AK9: variants seen among roughly 807,000 people sequenced by gnomAD.
The protein encoded by AK9 is adenylate kinase domain containing 1.
In AK9, 191 loss-of-function variants were observed where a neutral mutation model predicts 239.6. The observed-to-expected ratio is 0.80, with a 90% CI of 0.71 to 0.90. AK9 has a LOEUF of 0.90. Ranked by LOEUF, AK9 falls within the 40% of genes least tolerant of loss-of-function variation. The pLI is 0.00. For synonymous variants in AK9, 689 were observed against 721.0 expected, an observed-to-expected ratio of 0.96 and a Z score of 0.71; for missense variants, 1,995 against 2,214.7, an observed-to-expected ratio of 0.90 and a Z score of 1.99.
At chr6:109,639,447 C>T (rs1797125803) in intron 10 of AK9, among the ~76,000 whole-genome samples, 1 of 152,196 alleles carries the variant, frequency 6.6e-6, no homozygotes, top group Admixed American at 6.5e-5. Context: ...GCATAAATGT[C>T]TTCTTTTGAG....
At chr6:109,547,815 G>C (rs116181618) in intron 25 of AK9, among the ~76,000 whole-genome samples, 2,827 of 106,504 alleles carry the variant, frequency 0.027, 32 homozygotes, top group African/African-American at 0.049. Flanking sequence ...TTAATAACCA[G>C]AATATATAAA....
intron 12 of AK9, among the ~76,000 whole-genome samples, chr6:109,619,995 C>A (rs1356537865): frequency 6.6e-6 from 1 of 151,970 alleles, no homozygotes; most frequent in Non-Finnish European, 1.5e-5. Flanking sequence ...TGTGGGTATC[C>A]TTTTTATTGT....
chr6:109,622,472 AAT>A (rs1035030974), intron 12 of AK9, among the ~76,000 whole-genome samples: 3 of 141,622 alleles, frequency 2.1e-5, no homozygotes, highest in African/African-American at 7.7e-5. Context: ...ATATTAATAT[AAT>A]ATATATTAAT....
chr6:109,623,876 C>G (rs1795163612), intron 12 of AK9, among the ~76,000 whole-genome samples: 1 of 146,498 alleles, frequency 6.8e-6, no homozygotes, highest in Non-Finnish European at 1.5e-5. Flanking sequence ...CACACACACA[C>G]ACACACACAC....
intron 26 of AK9, among the ~76,000 whole-genome samples, chr6:109,544,799 T>G (rs1050524271): frequency 1.3e-5 from 2 of 150,834 alleles, no homozygotes; most frequent in Non-Finnish European, 3.0e-5. Flanking sequence ...GAAATTAATA[T>G]TTTGAGATCT....
chr6:109,662,489 T>G, intron 6 of AK9, 62 bp downstream of exon 6: 1 of 1,282,606 alleles, frequency 7.8e-7, no homozygotes, highest in Non-Finnish European at 1.0e-6. Context: ...AAGCATTCCT[T>G]GAATTTAACT....
intron 13 of AK9, 62 bp from the exon 14 acceptor site, chr6:109,614,542 T>C (rs1431557899): frequency 7.5e-7 from 1 of 1,340,072 alleles, no homozygotes; most frequent in Non-Finnish European, 1.0e-6. Flanking sequence ...ACAGGTAGAG[T>C]GACCAAAAGC....
chr6:109,655,900 C>T (rs907372865), intron 8 of AK9, among the ~76,000 whole-genome samples: 19 of 152,140 alleles, frequency 1.2e-4, no homozygotes, highest in Admixed American at 4.6e-4. Context: ...AGAAGTCATA[C>T]ATATGAAAGC....
chr6:109,672,054 A>C (rs1453442479), intron 4 of AK9, 39 bp from the exon 5 acceptor site: 6 of 1,611,862 alleles, frequency 3.7e-6, no homozygotes, highest in Non-Finnish European at 5.1e-6. Context: ...ACTGTATAAT[A>C]TATCTATGAT....
At chr6:109,658,297 C>G (rs1333130757) in intron 7 of AK9, among the ~76,000 whole-genome samples, 3 of 152,192 alleles carry the variant, frequency 2.0e-5, no homozygotes, top group Admixed American at 2.0e-4. Context: ...CACTGGCGTT[C>G]ATTCATTCAG....
rs1369052068 is a variant in AK9, at chr6:109,632,912, T to C, written c.1254+11A>G. On this transcript the variant is annotated intron_variant, in intron 12 of 40. Transcript: ENST00000424296. Reference sequence around the variant, plus strand: ...ATAGATAGATAGATAGACAGATAGTTAGTTAGTCACCTTTCCTTTGTAATT... The same window carrying C: ...ATAGATAGATAGATAGACAGATAGTCAGTTAGTCACCTTTCCTTTGTAATT... 4 of 1,542,464 alleles carry C rather than the reference T, an allele frequency of 2.6e-6. No homozygotes were observed. Among genetic ancestry groups the C allele is most frequent in the Non-Finnish European group, 1.8e-6 (2 of 1,126,004 alleles).
intron 17 of AK9, among the ~76,000 whole-genome samples, chr6:109,593,368 AT>A (rs1379111442): frequency 2.0e-5 from 3 of 152,116 alleles, no homozygotes; most frequent in Non-Finnish European, 4.4e-5. Context: ...TGAGGCAGTA[AT>A]TAATAGCCTA....
At chr6:109,636,372 G>T (rs1369533690) in intron 10 of AK9, among the ~76,000 whole-genome samples, 1 of 151,846 alleles carries the variant, frequency 6.6e-6, no homozygotes, top group African/African-American at 2.4e-5. Flanking sequence ...AGATTTTTGG[G>T]TTTATTTTTT....
chr6:109,536,140 GA>G (rs1781958553), intron 27 of AK9, among the ~76,000 whole-genome samples: 1 of 152,170 alleles, frequency 6.6e-6, no homozygotes. Flanking sequence ...CCACTTCTGT[GA>G]AGAAAGTCAT....
intron 1 of AK9, among the ~76,000 whole-genome samples, chr6:109,683,977 C>G (rs1773070467): frequency 6.6e-6 from 1 of 152,200 alleles, no homozygotes; most frequent in Non-Finnish European, 1.5e-5. Flanking sequence ...CTGGAGGCAT[C>G]ACGCTACCTG....
chr6:109,653,684 T>TCTCTC (rs555553429), intron 8 of AK9, among the ~76,000 whole-genome samples: 3 of 150,114 alleles, frequency 2.0e-5, no homozygotes, highest in African/African-American at 2.4e-5. Context: ...TTTTTTTTTT[T>TCTCTC]TCTCTCTCTT....
chr6:109,557,588 G>A (rs1168377232), intron 24 of AK9, among the ~76,000 whole-genome samples: 1 of 152,216 alleles, frequency 6.6e-6, no homozygotes, highest in Non-Finnish European at 1.5e-5. Context: ...GAACTACCAA[G>A]AGGAGAGGCT....
chr6:109,500,034 T>TACACACACACACACACACAC (rs36086518), intron 35 of AK9, among the ~76,000 whole-genome samples: 2 of 141,362 alleles, frequency 1.4e-5, no homozygotes, highest in East Asian at 2.1e-4. Context: ...ATATATATGA[T>TACACACACACACACACACAC]ACACACACAC....
At chr6:109,611,912 G>T in intron 16 of AK9, 98 bp downstream of exon 16, 4 of 840,734 alleles carry the variant, frequency 4.8e-6, no homozygotes, top group East Asian at 2.8e-5. Flanking sequence ...TATTTTTTTT[G>T]AAAAATCACA....
Sources: allele counts gnomAD v4.1 joint callset (sites outside exome capture counted in the v4.1 genomes callset), GRCh38; gene constraint gnomAD v4.1.1; transcripts MANE v1.5; gene names NCBI Gene and HGNC (gene_info 2026-07-23, HGNC 2026-07-21).